GRM5: variants seen among roughly 807,000 people sequenced by gnomAD.
The protein encoded by GRM5 is metabotropic glutamate receptor 5.
GRM5 carries 19 observed loss-of-function variants against 83.1 expected under a neutral mutation model. The observed-to-expected ratio is 0.23, with a 90% CI of 0.16 to 0.34. The LOEUF is 0.34. GRM5 is among the 10% of genes least tolerant of loss of function. The pLI is 1.00. For missense variants in GRM5, 1,160 were observed against 1,588.3 expected, an observed-to-expected ratio of 0.73 and a Z score of 4.58; for synonymous variants, 675 against 633.6, an observed-to-expected ratio of 1.07 and a Z score of -0.98.
intron 8 of GRM5, among the ~76,000 whole-genome samples, chr11:88,564,136 C>T (rs1044606656): frequency 3.3e-5 from 5 of 152,094 alleles, no homozygotes; most frequent in African/African-American, 7.2e-5. Context: ...AAAGAAATCT[C>T]CATATAATCA....
intron 8 of GRM5, among the ~76,000 whole-genome samples, chr11:88,542,476 A>G (rs1020218849): frequency 2.6e-5 from 4 of 152,164 alleles, no homozygotes; most frequent in African/African-American, 7.2e-5. Flanking sequence ...TGTTTCAAAC[A>G]TTGTCTCTTT....
intron 2 of GRM5, among the ~76,000 whole-genome samples, chr11:88,995,867 G>A (rs1325117480): frequency 6.6e-6 from 1 of 152,032 alleles, no homozygotes; most frequent in African/African-American, 2.4e-5. Flanking sequence ...ACATATTGGG[G>A]CTCTGGGCAT....
chr11:88,620,877 T>A (rs1398221811), intron 4 of GRM5, among the ~76,000 whole-genome samples: 1 of 152,180 alleles, frequency 6.6e-6, no homozygotes, highest in African/African-American at 2.4e-5. Flanking sequence ...TGAATGCTCA[T>A]ATTGAAATGC....
intron 8 of GRM5, among the ~76,000 whole-genome samples, chr11:88,562,013 T>C (rs2135163278): frequency 6.6e-6 from 1 of 152,256 alleles, no homozygotes; most frequent in Middle Eastern, 3.4e-3. Flanking sequence ...TATGAACTAC[T>C]CTTCAGGCCC....
rs143944098 is a variant in GRM5 at position 89,032,738 on chromosome 11, C to A, written c.661+14474G>T. Among the ~76,000 whole-genome samples, 20 of 152,070 alleles carry A rather than the reference C, an allele frequency of 1.3e-4. No individual in the cohort carries two copies. In the East Asian group the frequency reaches 3.9e-3, roughly 29 times the overall value. ...ATTTCCACAGCAAATAGTGATGGAC[C>A]AGCAAATAAGATAACACCTGGTATT... On this transcript the variant is annotated intron_variant, in intron 2 of 9. Transcript: ENST00000305447.
chr11:88,701,852 G>A (rs1000760806), intron 3 of GRM5, among the ~76,000 whole-genome samples: 1 of 152,042 alleles, frequency 6.6e-6, no homozygotes, highest in African/African-American at 2.4e-5. Flanking sequence ...CAATGTACTG[G>A]GTCAGCGTGA....
At chr11:88,721,955 G>GA (rs1271773891) in intron 3 of GRM5, among the ~76,000 whole-genome samples, 1 of 152,150 alleles carries the variant, frequency 6.6e-6, no homozygotes, top group Non-Finnish European at 1.5e-5. Flanking sequence ...ACAGACTGGG[G>GA]ATGTAAGGTG....
rs869078157 is a variant in GRM5, at chr11:88,720,821, C to CGTGTGTGTGTGT, written c.912-67430_912-67419dup. On this transcript the variant is annotated intron_variant, in intron 3 of 9. Transcript: ENST00000305447. ...CTGTGTGTGTGTGTGTGTGTGTGTG[C>CGTGTGTGTGTGT]GTGTGTGTGTGTGTGTGTGTGTGCC... Among the ~76,000 whole-genome samples, 994 of 137,232 alleles carry CGTGTGTGTGTGT rather than the reference C, an allele frequency of 7.2e-3. 9 individuals carry two copies. The highest frequency in any genetic ancestry group is 0.021 in the African/African-American group (775 of 37,110). 90.0% of individuals were successfully genotyped at this position (137,232 alleles called of 152,430 possible). A position where few individuals can be genotyped will look rare whatever the true frequency, so the allele number is the denominator to read the frequency against.
chr11:88,985,279 TG>T (rs1939667673), intron 2 of GRM5, among the ~76,000 whole-genome samples: 2 of 152,270 alleles, frequency 1.3e-5, no homozygotes, highest in Admixed American at 6.5e-5. Flanking sequence ...CCCCAGACTC[TG>T]GCAAATTTTA....
intron 3 of GRM5, among the ~76,000 whole-genome samples, chr11:88,779,187 T>C (rs1452960846): frequency 2.6e-5 from 4 of 152,212 alleles, no homozygotes; most frequent in Non-Finnish European, 4.4e-5. Flanking sequence ...TCCACTGTTC[T>C]CAACTGCTTC....
At chr11:88,819,875 G>A (rs377207769) in intron 3 of GRM5, among the ~76,000 whole-genome samples, 7 of 152,160 alleles carry the variant, frequency 4.6e-5, no homozygotes, top group South Asian at 2.1e-4. Flanking sequence ...ATATGTGTGC[G>A]AGAGAGAAAG....
At chr11:89,019,548 A>G (rs1321694544) in intron 2 of GRM5, among the ~76,000 whole-genome samples, 1 of 151,806 alleles carries the variant, frequency 6.6e-6, no homozygotes, top group Non-Finnish European at 1.5e-5. Flanking sequence ...TACAAAAAAA[A>G]AAAAAAATTA....
chr11:88,828,835 T>C (rs1270346045), intron 3 of GRM5, among the ~76,000 whole-genome samples: 4 of 152,014 alleles, frequency 2.6e-5, no homozygotes, highest in African/African-American at 9.7e-5. Context: ...CAACAATTAG[T>C]TGGAAATCAA....
chr11:88,984,819 C>G (rs1185211508), intron 2 of GRM5: 1 of 738,778 alleles, frequency 1.4e-6, no homozygotes, highest in African/African-American at 1.7e-5. Flanking sequence ...TTTTCCAGGG[C>G]ATCATATACT....
At chr11:88,694,354 G>A (rs1444797738) in intron 3 of GRM5, among the ~76,000 whole-genome samples, 2 of 152,094 alleles carry the variant, frequency 1.3e-5, no homozygotes, top group African/African-American at 2.4e-5. Context: ...GAGGAGAGTG[G>A]TATGGATTGT....
chr11:88,873,263 G>A (rs1471376552), intron 2 of GRM5, among the ~76,000 whole-genome samples: 1 of 151,532 alleles, frequency 6.6e-6, no homozygotes, highest in Non-Finnish European at 1.5e-5. Context: ...AATAATAGCG[G>A]TGGGTTTCAA....
At chr11:88,902,713 TGG>T (rs1945331616) in intron 2 of GRM5, among the ~76,000 whole-genome samples, 3 of 151,818 alleles carry the variant, frequency 2.0e-5, no homozygotes, top group Non-Finnish European at 4.4e-5. Flanking sequence ...CTCAGCACTT[TGG>T]GAGGCCGAAG....
chr11:88,535,483 G>T (rs548833722), intron 8 of GRM5, among the ~76,000 whole-genome samples: 2 of 152,338 alleles, frequency 1.3e-5, no homozygotes, highest in South Asian at 4.1e-4. Context: ...TGATTCAGTG[G>T]TAGACTGGAA....
intron 3 of GRM5, among the ~76,000 whole-genome samples, chr11:88,798,805 C>CAAAAAAAAAAAAAAAAAAAAAAAAACAAA (rs4002396): frequency 1.8e-5 from 1 of 55,400 alleles, no homozygotes; most frequent in East Asian, 5.0e-4. Context: ...ATGAAAACAC[C>CAAAAAAAAAAAAAAAAAAAAAAAAACAAA]AAAAAAAAAA....
Sources: gnomAD v4.1 joint callset for allele counts (sites outside exome capture counted in the v4.1 genomes callset) on GRCh38, gnomAD v4.1.1 for gene constraint, MANE v1.5 for transcripts, NCBI Gene and HGNC (gene_info 2026-07-23, HGNC 2026-07-21) for gene names.